The following KIF6 variants were observed in gnomAD, a reference collection of about 807,000 sequenced individuals.
KIF6 encodes kinesin family member 6, also known as kinesin-like protein KIF6.
In KIF6, 106 loss-of-function variants were observed where a neutral mutation model predicts 112.7. The observed-to-expected ratio is 0.94, with a 90% confidence interval of 0.80 to 1.11. The LOEUF is 1.11. KIF6 is among the 50% of genes least tolerant of loss of function. The pLI is 0.00. For synonymous variants in KIF6, 339 were observed against 339.9 expected (o/e 1.00, Z 0.03); for missense variants, 929 against 964.0 (o/e 0.96, Z 0.48).
rs1207694235 is a variant in KIF6 at position 39,703,078 on chromosome 6, C to CG, written c.251+11613_251+11614insC. On this transcript the variant is annotated intron_variant, in intron 3 of 22. Coordinates refer to ENST00000287152, the MANE Select transcript of KIF6 (RefSeq NM_145027.6). The stretch of plus-strand genomic sequence containing the variant: ...GCCACCAAGACAAAATCCACCAACC[C>CG]CCCACCCCCACTCCCGGCCACCAAG... 1.5e-3 allele frequency among the ~76,000 whole-genome samples: 60 copies of CG among 39,372 alleles called. 4 individuals carry two copies. Among genetic ancestry groups the CG allele is most frequent in the Admixed American group, 3.5e-3 (9 of 2,570 alleles). 25.8% of individuals were successfully genotyped at this position (39,372 alleles called of 152,430 possible). A position where few individuals can be genotyped will look rare whatever the true frequency, so the allele number is the denominator to read the frequency against.
intron 14 of KIF6, among the ~76,000 whole-genome samples, chr6:39,426,852 G>A (rs1311695786): frequency 6.6e-6 from 1 of 152,200 alleles, no homozygotes; most frequent in Non-Finnish European, 1.5e-5. Context: ...AGGGCTGAGA[G>A]AGTCAGAAGA....
intron 22 of KIF6, among the ~76,000 whole-genome samples, chr6:39,337,191 CTTTCTTTCTTTCTTTCTTTCTTTCT>C (rs1763038675): frequency 2.3e-5 from 2 of 88,282 alleles, no homozygotes; most frequent in African/African-American, 1.7e-4. Flanking sequence ...TTCTTTCTTT[CTTTCTTTCTTTCTTTCTTTCTTTCT>C]TTCTTTCTTT....
At chr6:39,686,658 C>T (rs1272056537) in intron 3 of KIF6, among the ~76,000 whole-genome samples, 1 of 152,122 alleles carries the variant, frequency 6.6e-6, no homozygotes, top group Admixed American at 6.5e-5. Context: ...CATAACCTAA[C>T]CCCCCACATT....
intron 13 of KIF6, among the ~76,000 whole-genome samples, chr6:39,447,886 G>A (rs1025400056): frequency 6.6e-6 from 1 of 152,080 alleles, no homozygotes; most frequent in Non-Finnish European, 1.5e-5. Context: ...CAAAACCAGT[G>A]GTCAGTTTTC....
chr6:39,585,110 G>A, intron 8 of KIF6, 126 bp from the exon 9 acceptor site: 1 of 594,602 alleles, frequency 1.7e-6, no homozygotes, highest in East Asian at 2.7e-5. Context: ...AAAACTCACA[G>A]TGAGGAACTA....
intron 13 of KIF6, among the ~76,000 whole-genome samples, chr6:39,438,288 T>A (rs2150391610): frequency 6.6e-6 from 1 of 152,294 alleles, no homozygotes. Context: ...CTATACTTTT[T>A]ATCATTATTT....
intron 13 of KIF6, among the ~76,000 whole-genome samples, chr6:39,507,309 A>G (rs1312083154): frequency 1.3e-5 from 2 of 152,172 alleles, no homozygotes; most frequent in Non-Finnish European, 2.9e-5. Context: ...GAATGGAAAA[A>G]TCCCACATAT....
rs74601471 is a variant in KIF6, at chr6:39,513,696, A to G, written c.1645+26307T>C. The stretch of plus-strand genomic sequence containing the variant: ...AGTTGCTTCTGTTCATGCTTAAGTC[A>G]CTGCTAGTGGTACAATTTCCACCCA... On this transcript the variant is annotated intron_variant, in intron 13 of 22. Coordinates refer to ENST00000287152, the MANE Select transcript of KIF6 (RefSeq NM_145027.6). Among the ~76,000 whole-genome samples, 807 of 152,194 alleles carry G rather than the reference A, an allele frequency of 5.3e-3. 6 individuals are homozygous for G. Among genetic ancestry groups the G allele is most frequent in the African/African-American group, 0.018 (761 of 41,512 alleles).
chr6:39,567,814 A>G (rs544458376), intron 10 of KIF6, among the ~76,000 whole-genome samples: 286 of 152,186 alleles, frequency 1.9e-3, no homozygotes, highest in Non-Finnish European at 3.1e-3. Flanking sequence ...TCACTGTGTT[A>G]GCCAGGATGG....
intron 3 of KIF6, among the ~76,000 whole-genome samples, chr6:39,681,547 TA>T (rs1481111403): frequency 2.6e-5 from 4 of 152,172 alleles, no homozygotes; most frequent in African/African-American, 9.7e-5. Context: ...CTTCCTCAAC[TA>T]CCCCTACTTC....
At chr6:39,468,925 T>G (rs1773962460) in intron 13 of KIF6, among the ~76,000 whole-genome samples, 1 of 152,148 alleles carries the variant, frequency 6.6e-6, no homozygotes, top group South Asian at 2.1e-4. Context: ...GTAATGTAGT[T>G]GTTAGTAATA....
chr6:39,365,693 A>T (rs1013727471), intron 16 of KIF6, among the ~76,000 whole-genome samples: 2 of 152,240 alleles, frequency 1.3e-5, no homozygotes, highest in Non-Finnish European at 2.9e-5. Flanking sequence ...TAACACTGTG[A>T]ATTTCCTTCC....
At chr6:39,505,746 G>GA (rs1776387293) in intron 13 of KIF6, among the ~76,000 whole-genome samples, 2 of 151,990 alleles carry the variant, frequency 1.3e-5, no homozygotes, top group Non-Finnish European at 2.9e-5. Flanking sequence ...ACAAACATAT[G>GA]AAAAAAAGCT....
At chr6:39,480,442 G>T (rs896791030) in intron 13 of KIF6, among the ~76,000 whole-genome samples, 3 of 152,128 alleles carry the variant, frequency 2.0e-5, no homozygotes, top group African/African-American at 7.2e-5. Context: ...TATGCTGTTG[G>T]ATTTAGTTAG....
intron 22 of KIF6, among the ~76,000 whole-genome samples, chr6:39,340,963 C>T (rs1383709948): frequency 6.6e-6 from 1 of 152,088 alleles, no homozygotes; most frequent in East Asian, 1.9e-4. Context: ...CCACTTGTGC[C>T]CCACACACTG....
intron 13 of KIF6, among the ~76,000 whole-genome samples, chr6:39,440,980 T>C (rs568194490): frequency 6.6e-6 from 1 of 152,232 alleles, no homozygotes; most frequent in Admixed American, 6.5e-5. Flanking sequence ...TTGGGGGCTA[T>C]AACAGATCTT....
chr6:39,522,974 T>G (rs962261191), intron 13 of KIF6, among the ~76,000 whole-genome samples: 14 of 152,330 alleles, frequency 9.2e-5, no homozygotes, highest in Admixed American at 5.9e-4. Context: ...TATACATTCA[T>G]TTCTCTAATT....
intron 3 of KIF6, among the ~76,000 whole-genome samples, chr6:39,684,854 T>G (rs940960510): frequency 6.6e-6 from 1 of 151,806 alleles, no homozygotes; most frequent in African/African-American, 2.4e-5. Flanking sequence ...AGGAAGAAAT[T>G]TAGCCCTGTC....
intron 13 of KIF6, among the ~76,000 whole-genome samples, chr6:39,498,133 G>A (rs1378143134): frequency 6.6e-6 from 1 of 152,092 alleles, no homozygotes; most frequent in East Asian, 1.9e-4. Context: ...GGCCTATACA[G>A]AGACCAAAAT....
Sources: gnomAD v4.1 joint callset for allele counts (sites outside exome capture counted in the v4.1 genomes callset) on GRCh38, gnomAD v4.1.1 for gene constraint, MANE v1.5 for transcripts, NCBI Gene and HGNC (gene_info 2026-07-23, HGNC 2026-07-21) for gene names.